SPPL2A: variants seen among roughly 807,000 people sequenced by gnomAD.
SPPL2A encodes signal peptide peptidase like 2A, also known as signal peptide peptidase-like 2A.
A neutral mutation model predicts 63.8 loss-of-function variants in SPPL2A; 51 were observed. That is an observed-to-expected ratio of 0.80 (90% CI 0.64 to 1.01). The LOEUF (loss-of-function observed/expected upper bound fraction) is 1.01. Ranked by LOEUF, SPPL2A falls within the 50% of genes least tolerant of loss-of-function variation. The probability of loss-of-function intolerance (pLI) is 0.00; values close to 1 mark genes in which losing one functional copy is unlikely to be tolerated. For missense variants in SPPL2A, 553 were observed against 622.7 expected (o/e 0.89, Z 1.19); for synonymous variants, 188 against 205.8 (o/e 0.91, Z 0.74).
chr15:50,748,766 G>C lies in SPPL2A; in HGVS notation c.282C>G (p.Ser94Arg). The C allele has an allele frequency of 6.2e-7, 1 of 1,611,658 alleles. No homozygotes were observed. The highest frequency in any genetic ancestry group is 1.1e-5 in the South Asian group (1 of 90,832). Reference sequence around the variant, plus strand: ...TTCTGGCTTTTTCAAGAAAATGGCAGCTTCCCCATGGAACCACAACTGCTT... The same window carrying C: ...TTCTGGCTTTTTCAAGAAAATGGCACCTTCCCCATGGAACCACAACTGCTT... ...KSKAVVVPWG[S>R]CHFLEKARIA... Residue 94 changes from serine (S) to arginine (R), a missense_variant, in exon 3 of 15, where the codon AGC (serine) becomes AGG (arginine). Ser to Arg is a moderately radical substitution (Grantham distance 110). Coordinates refer to ENST00000261854, the MANE Select transcript of SPPL2A (RefSeq NM_032802.4).
At chr15:50,723,339 A>AC (rs2062662542) in intron 12 of SPPL2A, among the ~76,000 whole-genome samples, 1 of 152,224 alleles carries the variant, frequency 6.6e-6, no homozygotes, top group South Asian at 2.1e-4. Context: ...TCAGTATGTC[A>AC]AAGAGATATT....
intron 6 of SPPL2A, among the ~76,000 whole-genome samples, 161 bp from the exon 7 acceptor site, chr15:50,736,901 C>T (rs533328185): frequency 2.0e-5 from 3 of 149,236 alleles, no homozygotes; most frequent in African/African-American, 7.3e-5. Context: ...AAATTTAGAT[C>T]GTGAGGTTTT....
At position 50,731,056 on chromosome 15, in the gene SPPL2A, C is replaced by T. The variant is rs114940488; in HGVS notation, c.1015-17G>A. On this transcript the variant is annotated splice_polypyrimidine_tract_variant and intron_variant, in intron 9 of 14. Transcript: ENST00000261854. ...CACACATGACTGTCAAAGAAAGAAA[C>T]AAAATTAAAGGTCAATCTTCCTAAA... 1,055 of 1,232,402 alleles carry T rather than the reference C, an allele frequency of 8.6e-4. 9 individuals are homozygous for T. In the African/African-American group the frequency reaches 0.015, roughly 17 times the overall value. 76.3% of individuals were successfully genotyped at this position (1,232,402 alleles called of 1,614,324 possible).
At chr15:50,763,428 CAG>C (rs1181950027) in intron 1 of SPPL2A, among the ~76,000 whole-genome samples, 3 of 152,120 alleles carry the variant, frequency 2.0e-5, no homozygotes, top group African/African-American at 7.2e-5. Flanking sequence ...ACAATTTAAA[CAG>C]ATATTGTCAG....
At chr15:50,717,590 C>T (rs538193530) in intron 14 of SPPL2A, among the ~76,000 whole-genome samples, 99 of 152,276 alleles carry the variant, frequency 6.5e-4, no homozygotes, top group South Asian at 1.0e-3. Context: ...TTAAATGTGG[C>T]TTATAAGATG....
At chr15:50,762,220 T>C (rs1036229350) in intron 1 of SPPL2A, among the ~76,000 whole-genome samples, 3 of 151,636 alleles carry the variant, frequency 2.0e-5, no homozygotes, top group African/African-American at 7.3e-5. Flanking sequence ...TTACAAAAAT[T>C]AGCCAGGTGT....
intron 14 of SPPL2A, among the ~76,000 whole-genome samples, chr15:50,718,992 C>A (rs536593883): frequency 1.3e-5 from 2 of 152,092 alleles, no homozygotes; most frequent in East Asian, 3.9e-4. Context: ...GTGCCATGGC[C>A]CTGACCTCAA....
intron 1 of SPPL2A, among the ~76,000 whole-genome samples, chr15:50,757,965 C>G (rs1323421124): frequency 1.4e-5 from 2 of 141,684 alleles, no homozygotes; most frequent in African/African-American, 5.3e-5. Context: ...GCCTAGGCGA[C>G]AGAGTGAGAC....
intron 5 of SPPL2A, 108 bp downstream of exon 5, chr15:50,747,387 C>T: frequency 1.1e-6 from 1 of 886,190 alleles, no homozygotes. Flanking sequence ...GGCTTACTGG[C>T]ATCATATTCT....
chr15:50,710,967 C>G (rs2062551393), intron 14 of SPPL2A, among the ~76,000 whole-genome samples: 1 of 152,110 alleles, frequency 6.6e-6, no homozygotes, highest in Non-Finnish European at 1.5e-5. Flanking sequence ...ATGATGACTC[C>G]TTTTCATTGT....
chr15:50,757,917 G>T (rs573411674), intron 1 of SPPL2A, among the ~76,000 whole-genome samples: 2 of 150,684 alleles, frequency 1.3e-5, no homozygotes, highest in Non-Finnish European at 3.0e-5. Context: ...CCAGGAGGTG[G>T]AAGTTGCAGT....
chr15:50,729,756 CA>C (rs1348890687), intron 10 of SPPL2A, among the ~76,000 whole-genome samples: 1 of 152,080 alleles, frequency 6.6e-6, no homozygotes, highest in Non-Finnish European at 1.5e-5. Context: ...CAATAGGGTA[CA>C]GTTTGTCTTT....
At chr15:50,742,044 C>T (rs973230995) in intron 5 of SPPL2A, among the ~76,000 whole-genome samples, 4 of 151,844 alleles carry the variant, frequency 2.6e-5, no homozygotes, top group East Asian at 3.9e-4. Context: ...GAGAGCCATA[C>T]GCAATAGAAA....
intron 14 of SPPL2A, among the ~76,000 whole-genome samples, chr15:50,711,130 T>C (rs1322821887): frequency 6.6e-6 from 1 of 151,912 alleles, no homozygotes; most frequent in East Asian, 1.9e-4. Flanking sequence ...CCACAAAAAA[T>C]GTTCATAGGA....
intron 13 of SPPL2A, among the ~76,000 whole-genome samples, chr15:50,720,780 G>A (rs541811980): frequency 1.3e-5 from 2 of 151,948 alleles, no homozygotes; most frequent in East Asian, 3.9e-4. Flanking sequence ...TCAGCCTCCC[G>A]AAGTGCTGGG....
chr15:50,765,628 G>T lies in SPPL2A; in HGVS notation c.-95C>A. On this transcript the variant is annotated 5_prime_UTR_variant, in exon 1 of 15. Coordinates refer to ENST00000261854, the MANE Select transcript of SPPL2A (RefSeq NM_032802.4). Reference sequence around the variant, plus strand: ...CCGCCGCTGCGCTGCCTCCGTGGCCGGACCGGACCGGACAGGCGCGGGCGG... The same window carrying T: ...CCGCCGCTGCGCTGCCTCCGTGGCCTGACCGGACCGGACAGGCGCGGGCGG... 1.2e-6 allele frequency: 1 copy of T among 844,310 alleles called. No individual in the cohort carries two copies. Among genetic ancestry groups the T allele is most frequent in the Non-Finnish European group, 1.6e-6 (1 of 614,494 alleles). 52.3% of individuals were successfully genotyped at this position (844,310 alleles called of 1,614,324 possible). A position where few individuals can be genotyped will look rare whatever the true frequency, so the allele number is the denominator to read the frequency against.
At chr15:50,728,937 C>T (rs2062709583) in intron 10 of SPPL2A, among the ~76,000 whole-genome samples, 1 of 152,000 alleles carries the variant, frequency 6.6e-6, no homozygotes, top group South Asian at 2.1e-4. Context: ...CCTCAGCCCT[C>T]CAAGTAGCTG....
chr15:50,712,382 C>T (rs2062565664), intron 14 of SPPL2A, among the ~76,000 whole-genome samples: 2 of 152,098 alleles, frequency 1.3e-5, no homozygotes, highest in Admixed American at 1.3e-4. Context: ...TAGAAACTGA[C>T]AAAGCTTAGG....
chr15:50,758,528 C>T (rs2062980768), intron 1 of SPPL2A, among the ~76,000 whole-genome samples: 1 of 151,504 alleles, frequency 6.6e-6, no homozygotes, highest in Non-Finnish European at 1.5e-5. Context: ...TGGGGTTTCA[C>T]CATGTTGGCC....
Sources: allele counts gnomAD v4.1 joint callset (sites outside exome capture counted in the v4.1 genomes callset), GRCh38; gene constraint gnomAD v4.1.1; transcripts MANE v1.5; gene names NCBI Gene and HGNC (gene_info 2026-07-23, HGNC 2026-07-21).